OXSR1: variants seen among roughly 807,000 people sequenced by gnomAD.
OXSR1 encodes the protein serine/threonine-protein kinase OSR1.
Under a neutral mutation model 79.8 loss-of-function variants are expected in OXSR1, and 24 were observed. The ratio of observed to expected loss-of-function variants is 0.30; its 90% CI spans 0.22 to 0.42. OXSR1 has a LOEUF of 0.42. OXSR1 is among the 10% of genes least tolerant of loss of function. The probability of loss-of-function intolerance (pLI) is 1.00; values close to 1 mark genes in which losing one functional copy is unlikely to be tolerated. For missense variants in OXSR1, 430 were observed against 618.4 expected, an observed-to-expected ratio of 0.70 and a Z score of 3.23; for synonymous variants, 226 against 209.2, an observed-to-expected ratio of 1.08 and a Z score of -0.69.
At chr3:38,214,222 A>T (rs185762040) in intron 4 of OXSR1, among the ~76,000 whole-genome samples, 1 of 151,040 alleles carries the variant, frequency 6.6e-6, no homozygotes, top group East Asian at 1.9e-4. Context: ...CATCTCCTCA[A>T]TGGTTATGTA....
In OXSR1 at chr3:38,253,209, C is replaced by G. The variant is rs1358101484; in HGVS notation, c.*318C>G. The G allele has an allele frequency of 9.9e-6, 3 of 302,816 alleles. No individual in the cohort carries two copies. Among genetic ancestry groups the G allele is most frequent in the Non-Finnish European group, 1.9e-5 (3 of 161,494 alleles). 18.8% of individuals were successfully genotyped at this position (302,816 alleles called of 1,614,324 possible). A position where few individuals can be genotyped will look rare whatever the true frequency, so the allele number is the denominator to read the frequency against. On this transcript the variant is annotated 3_prime_UTR_variant, in exon 18 of 18. Coordinates refer to ENST00000311806, the MANE Select transcript of OXSR1 (RefSeq NM_005109.3). ...TCTGTCAGCTCATTCTTGCCTTACT[C>G]CAATGATGGCCCAGGTGGAAAAGTA...
In OXSR1 at chr3:38,214,422, A is replaced by T. The variant is rs80334676; in HGVS notation, c.435-1674A>T. ...GGGAGACAGACCTAGAAATATGATC[A>T]TATAATACTCCTTGCTAACATTATA... On this transcript the variant is annotated intron_variant, in intron 4 of 17. Coordinates refer to ENST00000311806, the MANE Select transcript of OXSR1 (RefSeq NM_005109.3). Among the ~76,000 whole-genome samples, 95 of 152,182 alleles carry T rather than the reference A, an allele frequency of 6.2e-4. 1 individual carries two copies. Among genetic ancestry groups the T allele is most frequent in the Non-Finnish European group, 1.1e-3 (77 of 68,018 alleles).
chr3:38,218,742 C>T (rs981209240), intron 5 of OXSR1, among the ~76,000 whole-genome samples: 3 of 152,104 alleles, frequency 2.0e-5, no homozygotes, highest in African/African-American at 4.8e-5. Flanking sequence ...TCATTGCTAA[C>T]GCCAGTGTCA....
In OXSR1 at chr3:38,254,241, T is replaced by A. The variant is rs2125858401; in HGVS notation, c.*1350T>A. The A allele has an allele frequency of 2.5e-6, 1 of 398,910 alleles. No individual in the cohort carries two copies. The highest frequency in any genetic ancestry group is 1.3e-4 in the South Asian group (1 of 7,860). The allele number at this position is 398,910 out of a possible 1,614,324, so 24.7% of individuals were successfully genotyped here. On this transcript the variant is annotated 3_prime_UTR_variant, in exon 18 of 18. Coordinates refer to ENST00000311806, the MANE Select transcript of OXSR1 (RefSeq NM_005109.3). ...CCTTTACAGAATCACTCGAGCCCTT[T>A]CCAGCACTGTTGGTCTGATGAACAA...
At chr3:38,238,292 C>A (rs559387010) in intron 11 of OXSR1, among the ~76,000 whole-genome samples, 4 of 152,040 alleles carry the variant, frequency 2.6e-5, no homozygotes, top group African/African-American at 7.2e-5. Context: ...AAATAATATA[C>A]CATGACCAAA....
intron 4 of OXSR1, among the ~76,000 whole-genome samples, chr3:38,213,321 C>T (rs545388209): frequency 2.0e-5 from 3 of 152,148 alleles, no homozygotes; most frequent in African/African-American, 7.2e-5. Flanking sequence ...ACCAATCTAA[C>T]CATGAAAAAA....
In OXSR1 at chr3:38,254,836, C is replaced by T. The variant is rs530155833; in HGVS notation, c.*1945C>T. On this transcript the variant is annotated 3_prime_UTR_variant, in exon 18 of 18. Coordinates refer to ENST00000311806, the MANE Select transcript of OXSR1 (RefSeq NM_005109.3). The stretch of plus-strand genomic sequence containing the variant: ...CTGGTGCCTAGCTGGGAGTGAGCAG[C>T]AGCCCATCCCCTGTTCACTTTCTCT... 2.6e-5 allele frequency: 4 copies of T among 152,574 alleles called. No individual in the cohort carries two copies. Among genetic ancestry groups the T allele is most frequent in the Non-Finnish European group, 5.9e-5 (4 of 68,010 alleles). The allele number at this position is 152,574 out of a possible 1,614,324, so 9.5% of individuals were successfully genotyped here. A position where few individuals can be genotyped will look rare whatever the true frequency, so the allele number is the denominator to read the frequency against.
Position 38,251,480 on chromosome 3 carries a change from A to G in OXSR1, c.1444+9A>G. On this transcript the variant is annotated intron_variant, in intron 16 of 17. Transcript: ENST00000311806. ...AAGGGATTTAGTAATAGGTAACTCC[A>G]TTGCGTTCTGCTCATGTGCTCCTGT... is the stretch of plus-strand genomic sequence containing the variant. 1 of 1,605,794 alleles carries G rather than the reference A, an allele frequency of 6.2e-7. No individual in the cohort carries two copies. Among genetic ancestry groups the G allele is most frequent in the South Asian group, 1.1e-5 (1 of 90,896 alleles).
intron 1 of OXSR1, among the ~76,000 whole-genome samples, chr3:38,179,211 G>T (rs1164144265): frequency 1.3e-5 from 2 of 151,882 alleles, no homozygotes; most frequent in Non-Finnish European, 1.5e-5. Flanking sequence ...TTGTATTTTT[G>T]TAGGGACGGA....
intron 4 of OXSR1, among the ~76,000 whole-genome samples, chr3:38,203,777 A>G (rs1478069074): frequency 6.6e-6 from 1 of 152,146 alleles, no homozygotes; most frequent in Non-Finnish European, 1.5e-5. Flanking sequence ...ACTGTCCTGG[A>G]TCAGACTTGA....
intron 2 of OXSR1, among the ~76,000 whole-genome samples, chr3:38,190,355 TA>T (rs1267366709): frequency 6.6e-6 from 1 of 152,102 alleles, no homozygotes. Context: ...ACACAAACTA[TA>T]AAAAAACCCT....
At chr3:38,244,666 T>TGTGTGC (rs748851263) in intron 12 of OXSR1, among the ~76,000 whole-genome samples, 43 of 144,062 alleles carry the variant, frequency 3.0e-4, no homozygotes, top group Admixed American at 6.9e-4. Context: ...TGTGTGTGTG[T>TGTGTGC]GCGTGCGCAT....
intron 4 of OXSR1, among the ~76,000 whole-genome samples, chr3:38,210,786 G>T (rs1485769137): frequency 6.6e-6 from 1 of 152,206 alleles, no homozygotes. Flanking sequence ...GATCTAAGAA[G>T]AGTTGTTGAT....
chr3:38,216,687 A>G (rs1702488564), intron 5 of OXSR1, among the ~76,000 whole-genome samples: 1 of 152,130 alleles, frequency 6.6e-6, no homozygotes, highest in South Asian at 2.1e-4. Context: ...AGACTCCAGA[A>G]TGACTGTACC....
At position 38,224,738 on chromosome 3, in the gene OXSR1, A is replaced by G. The variant is rs751711668; in HGVS notation, c.836+34A>G. The G allele has an allele frequency of 2.4e-5, 34 of 1,424,272 alleles. No individual in the cohort carries two copies. In the East Asian group the frequency reaches 7.3e-4, roughly 30 times the overall value. 88.2% of individuals were successfully genotyped at this position (1,424,272 alleles called of 1,614,324 possible). ...TGAGAAAAAGTCTACTTTTCTCTCTAATAAAACATTGTGAGAAGTCTAAGA... is the reference window on the plus strand; with the variant it reads ...TGAGAAAAAGTCTACTTTTCTCTCTGATAAAACATTGTGAGAAGTCTAAGA... On this transcript the variant is annotated intron_variant, in intron 8 of 17. Coordinates refer to ENST00000311806, the MANE Select transcript of OXSR1 (RefSeq NM_005109.3).
At chr3:38,191,035 T>G (rs1319800520) in intron 3 of OXSR1, among the ~76,000 whole-genome samples, 196 bp downstream of exon 3, 7 of 152,160 alleles carry the variant, frequency 4.6e-5, no homozygotes. Context: ...TTTGTTGTCA[T>G]GCTGCTTAAA....
At chr3:38,171,910 C>G (rs1701589351) in intron 1 of OXSR1, among the ~76,000 whole-genome samples, 1 of 152,162 alleles carries the variant, frequency 6.6e-6, no homozygotes, top group Non-Finnish European at 1.5e-5. Context: ...AGATTCAAAT[C>G]CTGACATTGC....
chr3:38,240,087 T>A (rs572885360), intron 11 of OXSR1, among the ~76,000 whole-genome samples: 1 of 152,202 alleles, frequency 6.6e-6, no homozygotes, highest in Admixed American at 6.6e-5. Flanking sequence ...AATTATATTT[T>A]AAGTGAATGT....
rs934545462 is a variant in OXSR1 at position 38,221,506 on chromosome 3, A to G, written c.491-72A>G. The G allele has an allele frequency of 8.5e-6, 7 of 818,720 alleles. No individual in the cohort carries two copies. In the East Asian group the frequency reaches 1.7e-4, roughly 20 times the overall value. 50.7% of individuals were successfully genotyped at this position (818,720 alleles called of 1,614,324 possible). Reference sequence around the variant, plus strand: ...TATTTATATATAGGATGTTCACTACATTGTATTGTTTTCCTATTCATTTAT... The same window carrying G: ...TATTTATATATAGGATGTTCACTACGTTGTATTGTTTTCCTATTCATTTAT... On this transcript the variant is annotated intron_variant, in intron 5 of 17. Coordinates refer to ENST00000311806, the MANE Select transcript of OXSR1 (RefSeq NM_005109.3).
Sources: gnomAD v4.1 joint callset for allele counts (sites outside exome capture counted in the v4.1 genomes callset) on GRCh38, gnomAD v4.1.1 for gene constraint, MANE v1.5 for transcripts, NCBI Gene and HGNC (gene_info 2026-07-23, HGNC 2026-07-21) for gene names.